The following IRF2 variants were observed in gnomAD, a reference collection of about 807,000 sequenced individuals.
IRF2 encodes the protein interferon regulatory factor 2.
Under a neutral mutation model 40.6 loss-of-function variants are expected in IRF2, and 15 were observed. The observed-to-expected ratio is 0.37, with a 90% CI of 0.25 to 0.57. The LOEUF (loss-of-function observed/expected upper bound fraction) is 0.57, where lower values mean the gene tolerates loss of function less well. Among genes scored for constraint, IRF2 ranks in the 20% least tolerant of loss-of-function variants. The probability of loss-of-function intolerance (pLI) is 0.77; values close to 1 mark genes in which losing one functional copy is unlikely to be tolerated. For synonymous variants in IRF2, 151 were observed against 165.5 expected (o/e 0.91, Z 0.67); for missense variants, 317 against 455.7 (o/e 0.70, Z 2.77).
In IRF2 at chr4:184,398,965, C is replaced by A. The variant is rs2149893152; in HGVS notation, c.644G>T (p.Ser215Ile). The A allele has an allele frequency of 6.2e-7, 1 of 1,612,868 alleles. No individual in the cohort carries two copies. The highest frequency in any genetic ancestry group is 8.5e-7 in the Non-Finnish European group (1 of 1,179,622). ...CTGCAGAGGGTAGAGCTCGCTCATG[C>A]TGACCGGCTGCTCGTCGCTCTCAGT... The part of the protein sequence containing the change: ...VTTESDEQPV[S>I]MSELYPLQIS... Residue 215 changes from serine to isoleucine, a missense_variant, in exon 7 of 9, where the codon AGC becomes ATC. By Grantham distance (142) the Ser-to-Ile change is moderately radical. This residue lies in a region of IRF2 where 262 missense variants were observed against 334.0 expected (regional missense o/e 0.78). Transcript: ENST00000393593.
chr4:184,442,948 A>T (rs1442027216), intron 1 of IRF2, among the ~76,000 whole-genome samples: 1 of 152,058 alleles, frequency 6.6e-6, no homozygotes, highest in African/African-American at 2.4e-5. Context: ...TGTTTGAGAC[A>T]GAGTCTCACT....
intron 2 of IRF2, among the ~76,000 whole-genome samples, chr4:184,421,145 C>T (rs750073064): frequency 4.6e-5 from 7 of 152,182 alleles, no homozygotes; most frequent in Non-Finnish European, 8.8e-5. Context: ...TTCAGTCTCA[C>T]ATAGTGAAAC....
chr4:184,439,086 G>A (rs1167600565), intron 1 of IRF2, among the ~76,000 whole-genome samples: 2 of 152,078 alleles, frequency 1.3e-5, no homozygotes, highest in Non-Finnish European at 2.9e-5. Context: ...ATGTTTTGTT[G>A]AACTTTAGAA....
intron 1 of IRF2, among the ~76,000 whole-genome samples, chr4:184,471,240 GAT>G (rs1312166182): frequency 3.3e-5 from 5 of 152,108 alleles, no homozygotes. Flanking sequence ...ACACTTACGA[GAT>G]ATAGTTAAAA....
chr4:184,396,367 A>G (rs922242231), intron 7 of IRF2, among the ~76,000 whole-genome samples: 2 of 151,978 alleles, frequency 1.3e-5, no homozygotes, highest in East Asian at 1.9e-4. Flanking sequence ...TGTGCTCCCA[A>G]TCGTTCCTCC....
chr4:184,407,669 T>A (rs1731161133), intron 6 of IRF2, among the ~76,000 whole-genome samples: 2 of 152,204 alleles, frequency 1.3e-5, no homozygotes, highest in African/African-American at 4.8e-5. Flanking sequence ...CTCCATCTAT[T>A]TCCTGCTCCT....
chr4:184,419,956 C>T (rs955165768), intron 2 of IRF2, among the ~76,000 whole-genome samples: 3 of 152,260 alleles, frequency 2.0e-5, no homozygotes, highest in African/African-American at 7.2e-5. Flanking sequence ...CAACCTCCAC[C>T]TCCTGGGTTC....
At chr4:184,452,384 A>G (rs1368608033) in intron 1 of IRF2, among the ~76,000 whole-genome samples, 1 of 152,224 alleles carries the variant, frequency 6.6e-6, no homozygotes, top group Non-Finnish European at 1.5e-5. Flanking sequence ...ACGAGGCCAT[A>G]GCCATATCCA....
At chr4:184,400,357 T>A (rs1736622846) in intron 6 of IRF2, among the ~76,000 whole-genome samples, 1 of 152,190 alleles carries the variant, frequency 6.6e-6, no homozygotes, top group African/African-American at 2.4e-5. Flanking sequence ...TCAGCATAAT[T>A]CACCGCAGAG....
intron 7 of IRF2, among the ~76,000 whole-genome samples, chr4:184,397,847 A>G (rs990631552): frequency 6.6e-6 from 1 of 152,222 alleles, no homozygotes; most frequent in African/African-American, 2.4e-5. Flanking sequence ...AATTCAATGG[A>G]GATCATCAGG....
intron 1 of IRF2, among the ~76,000 whole-genome samples, chr4:184,437,264 G>T (rs1229046682): frequency 6.6e-6 from 1 of 152,168 alleles, no homozygotes; most frequent in Non-Finnish European, 1.5e-5. Flanking sequence ...CACCATGTTG[G>T]TCAGGCTGGT....
intron 2 of IRF2, among the ~76,000 whole-genome samples, chr4:184,426,469 C>A (rs1287712649): frequency 6.6e-6 from 1 of 152,196 alleles, no homozygotes; most frequent in African/African-American, 2.4e-5. Context: ...CTTATAAAGA[C>A]ACTCCTCATT....
rs1318010133 is a variant in IRF2 at position 184,388,550 on chromosome 4, C to G, written c.*208G>C. 1 of 562,154 alleles carries G rather than the reference C, an allele frequency of 1.8e-6. No individual in the cohort carries two copies. Among genetic ancestry groups the G allele is most frequent in the Admixed American group, 3.7e-5 (1 of 27,322 alleles). The allele number at this position is 562,154 out of a possible 1,614,324, so 34.8% of individuals were successfully genotyped here. A position where few individuals can be genotyped will look rare whatever the true frequency, so the allele number is the denominator to read the frequency against. ...GTAGCCCTGGGAGATCCAGCAGGCT[C>G]TAGAAACACACGTCTACCAATGGGC... On this transcript the variant is annotated 3_prime_UTR_variant, in exon 9 of 9. Transcript: ENST00000393593. This position sits in a 1 kb window ranked among gnomAD's most constrained non-coding sequence, Gnocchi z 4.6.
At chr4:184,443,357 G>A (rs865874342) in intron 1 of IRF2, among the ~76,000 whole-genome samples, 1 of 152,088 alleles carries the variant, frequency 6.6e-6, no homozygotes, top group African/African-American at 2.4e-5. Context: ...TTCAACCCTT[G>A]CCCTACTTCC....
chr4:184,442,697 C>T (rs1407553122), intron 1 of IRF2, among the ~76,000 whole-genome samples: 1 of 152,004 alleles, frequency 6.6e-6, no homozygotes, highest in Admixed American at 6.6e-5. Flanking sequence ...GCAAACACTT[C>T]GTTATGGGGC....
At chr4:184,402,986 T>C (rs1241819481) in intron 6 of IRF2, among the ~76,000 whole-genome samples, 1 of 152,182 alleles carries the variant, frequency 6.6e-6, no homozygotes, top group Non-Finnish European at 1.5e-5. Flanking sequence ...TTTAGGTGTA[T>C]CCTGAATGCG....
intron 2 of IRF2, among the ~76,000 whole-genome samples, chr4:184,423,273 C>A (rs56411291): frequency 0.11 from 16,306 of 152,214 alleles, 1,065 homozygotes; most frequent in South Asian, 0.15. Flanking sequence ...ACGCGCCATG[C>A]CAGGGCCCAC....
chr4:184,422,214 G>T (rs755154586), intron 2 of IRF2, among the ~76,000 whole-genome samples: 35 of 152,132 alleles, frequency 2.3e-4, no homozygotes, highest in Non-Finnish European at 4.0e-4. Context: ...CCCAGCCCCA[G>T]GTAGTCCTTT....
At chr4:184,404,083 A>G (rs531632056) in intron 6 of IRF2, among the ~76,000 whole-genome samples, 1 of 152,312 alleles carries the variant, frequency 6.6e-6, no homozygotes, top group African/African-American at 2.4e-5. Flanking sequence ...TGCCTCAGAG[A>G]AAGTGCTTAA....
Sources: gnomAD v4.1 joint callset for allele counts (sites outside exome capture counted in the v4.1 genomes callset) on GRCh38, gnomAD v4.1.1 for gene constraint, gnomAD v4.1.1 regional missense constraint, Gnocchi (gnomAD v3.1) non-coding constraint, MANE v1.5 for transcripts, NCBI Gene and HGNC (gene_info 2026-07-23, HGNC 2026-07-21) for gene names.